FGF12: variants seen among roughly 807,000 people sequenced by gnomAD.
FGF12 encodes the protein fibroblast growth factor 12B.
FGF12 carries 14 observed loss-of-function variants against 23.6 expected under a neutral mutation model. That is an observed-to-expected ratio of 0.59 (90% CI 0.39 to 0.93). FGF12 has a LOEUF of 0.93. FGF12 is among the 40% of genes least tolerant of loss of function. The pLI is 0.00. For synonymous variants in FGF12, 62 were observed against 77.3 expected, an observed-to-expected ratio of 0.80 and a Z score of 1.04; for missense variants, 175 against 217.8, an observed-to-expected ratio of 0.80 and a Z score of 1.24.
intron 2 of FGF12, among the ~76,000 whole-genome samples, chr3:192,560,810 T>C (rs572824541): frequency 6.6e-6 from 1 of 152,174 alleles, no homozygotes; most frequent in African/African-American, 2.4e-5. Flanking sequence ...ATAAAACCTG[T>C]CACAAATCTA....
At chr3:192,596,094 A>AAATATAATAT (rs58052704) in intron 2 of FGF12, among the ~76,000 whole-genome samples, 8,487 of 99,362 alleles carry the variant, frequency 0.085, 303 homozygotes, top group Middle Eastern at 0.096. Flanking sequence ...CCTGACTCAA[A>AAATATAATAT]AATATAATAT....
chr3:192,158,715 T>C (rs2108600859), intron 5 of FGF12, among the ~76,000 whole-genome samples: 1 of 81,732 alleles, frequency 1.2e-5, no homozygotes, highest in South Asian at 5.0e-4. Context: ...CTTCCTTCCT[T>C]CTCCCTCTCT....
chr3:192,435,878 G>A (rs947318778), intron 2 of FGF12, among the ~76,000 whole-genome samples: 1 of 152,128 alleles, frequency 6.6e-6, no homozygotes, highest in African/African-American at 2.4e-5. Context: ...AAGCATAAAT[G>A]ATAAATAACA....
intron 4 of FGF12, among the ~76,000 whole-genome samples, chr3:192,200,133 A>G (rs1310350450): frequency 6.6e-6 from 1 of 151,548 alleles, no homozygotes; most frequent in East Asian, 1.9e-4. Context: ...CCTGGGCAAC[A>G]TGGTGAAATC....
At chr3:192,285,836 A>T (rs1354434196) in intron 4 of FGF12, among the ~76,000 whole-genome samples, 1 of 152,040 alleles carries the variant, frequency 6.6e-6, no homozygotes, top group East Asian at 1.9e-4. Flanking sequence ...TGGTGGAAAT[A>T]ACCAAAGATA....
intron 2 of FGF12, among the ~76,000 whole-genome samples, chr3:192,678,039 A>G (rs1300544900): frequency 6.6e-6 from 1 of 152,230 alleles, no homozygotes; most frequent in Non-Finnish European, 1.5e-5. Context: ...ACAGTTATAC[A>G]ATATAGTCCT....
chr3:192,182,391 CAT>C (rs1367961287), intron 4 of FGF12, among the ~76,000 whole-genome samples: 2 of 151,876 alleles, frequency 1.3e-5, no homozygotes, highest in Non-Finnish European at 2.9e-5. Flanking sequence ...TCTTATAAAA[CAT>C]ATATTCTGAA....
At chr3:192,599,550 G>A (rs185197892) in intron 2 of FGF12, among the ~76,000 whole-genome samples, 1 of 152,108 alleles carries the variant, frequency 6.6e-6, no homozygotes, top group East Asian at 1.9e-4. Flanking sequence ...AACCAATATT[G>A]TTATTGCCAC....
Position 192,142,958 on chromosome 3 carries a change from G to A in FGF12, c.*1051C>T, listed in dbSNP as rs570732639. The A allele has an allele frequency of 2.0e-5, 3 of 151,958 alleles. No homozygotes were observed. Among genetic ancestry groups the A allele is most frequent in the Non-Finnish European group, 4.4e-5 (3 of 67,960 alleles). The allele number at this position is 151,958 out of a possible 1,614,324, so 9.4% of individuals were successfully genotyped here. A position where few individuals can be genotyped will look rare whatever the true frequency, so the allele number is the denominator to read the frequency against. On this transcript the variant is annotated 3_prime_UTR_variant, in exon 6 of 6. Transcript: ENST00000445105. ...AGGTACAAACGCAAATGCAATTTGCGTTGACTAATTTCCTAGGACTTATTT... is the reference window on the plus strand; with the variant it reads ...AGGTACAAACGCAAATGCAATTTGCATTGACTAATTTCCTAGGACTTATTT...
intron 5 of FGF12, among the ~76,000 whole-genome samples, chr3:192,158,908 T>C (rs1714708283): frequency 6.6e-6 from 1 of 151,952 alleles, no homozygotes; most frequent in Non-Finnish European, 1.5e-5. Flanking sequence ...CTTACCTAAA[T>C]CTAGAGCGCC....
chr3:192,365,806 C>A lies in FGF12; in HGVS notation c.14-5268G>T, dbSNP rs145113189. 5.4e-4 allele frequency among the ~76,000 whole-genome samples: 82 copies of A among 151,958 alleles called. No homozygotes were observed. The East Asian group carries it at 0.015, about 28-fold the overall frequency. ...TATCTAGACGTTCCTGCCGGCTTGA[C>A]AGTCCATCTAGTGCTATGAAGTATT... On this transcript the variant is annotated intron_variant, in intron 2 of 5. Coordinates refer to ENST00000445105, the MANE Select transcript of FGF12 (RefSeq NM_004113.6).
At chr3:192,402,782 G>C (rs1441943449) in intron 2 of FGF12, among the ~76,000 whole-genome samples, 1 of 152,118 alleles carries the variant, frequency 6.6e-6, no homozygotes, top group African/African-American at 2.4e-5. Flanking sequence ...TATTATTATA[G>C]ATGATTAATT....
chr3:192,494,368 G>C (rs921562825), intron 2 of FGF12, among the ~76,000 whole-genome samples: 1 of 152,176 alleles, frequency 6.6e-6, no homozygotes, highest in Non-Finnish European at 1.5e-5. Context: ...CATCCATTGT[G>C]TTCTCTACAA....
rs1032068069 is a variant in FGF12, at chr3:192,338,397, T to C, written c.125-2933A>G. Among the ~76,000 whole-genome samples the C allele has an allele frequency of 5.3e-5, 8 of 152,204 alleles. No individual in the cohort carries two copies. In the East Asian group the frequency reaches 5.8e-4, roughly 11 times the overall value. On this transcript the variant is annotated intron_variant, in intron 3 of 5. Coordinates refer to ENST00000445105, the MANE Select transcript of FGF12 (RefSeq NM_004113.6). ...CCATTTTTGCCTTCTTGCAAATAAA[T>C]AGATTATTCAGCTACACCTTCTAAC... is the stretch of plus-strand genomic sequence containing the variant.
rs553699935 is a variant in FGF12 at position 192,379,438 on chromosome 3, A to G, written c.14-18900T>C. 2.6e-4 allele frequency among the ~76,000 whole-genome samples: 40 copies of G among 151,922 alleles called. No homozygotes were observed. The East Asian group carries it at 7.5e-3, about 29-fold the overall frequency. On this transcript the variant is annotated intron_variant, in intron 2 of 5. Coordinates refer to ENST00000445105, the MANE Select transcript of FGF12 (RefSeq NM_004113.6). ...AACTGCTCTAAAAAAAAAAAAAAAAAAAAGCCTATCTTTTTTAAATGTCCT... is the reference window on the plus strand; with the variant it reads ...AACTGCTCTAAAAAAAAAAAAAAAAGAAAGCCTATCTTTTTTAAATGTCCT...
chr3:192,512,835 A>AATAAATAAATATATATATATATATATAT (rs35779279), intron 2 of FGF12, among the ~76,000 whole-genome samples: 8 of 76,762 alleles, frequency 1.0e-4, no homozygotes, highest in African/African-American at 4.5e-4. Flanking sequence ...TACTCAAATA[A>AATAAATAAATATATATATATATATATAT]ATATATATAT....
intron 2 of FGF12, among the ~76,000 whole-genome samples, chr3:192,719,568 A>G (rs1718969788): frequency 1.3e-5 from 2 of 152,186 alleles, no homozygotes; most frequent in Non-Finnish European, 2.9e-5. Context: ...TAAATCCCAG[A>G]AGAAAGAAGT....
chr3:192,711,161 CAAAAAGCTTACTGG>C (rs978737895), intron 2 of FGF12, among the ~76,000 whole-genome samples: 2 of 152,182 alleles, frequency 1.3e-5, no homozygotes, highest in African/African-American at 4.8e-5. Flanking sequence ...TGAAAACAAA[CAAAAAGCTTACTGG>C]AAACAGAGGT....
At chr3:192,332,497 G>C (rs1717175674) in intron 4 of FGF12, among the ~76,000 whole-genome samples, 2 of 151,846 alleles carry the variant, frequency 1.3e-5, no homozygotes, top group African/African-American at 2.4e-5. Flanking sequence ...TATATATATG[G>C]ATTAAACTCA....
Sources: allele counts gnomAD v4.1 joint callset (sites outside exome capture counted in the v4.1 genomes callset), GRCh38; gene constraint gnomAD v4.1.1; transcripts MANE v1.5; gene names NCBI Gene and HGNC (gene_info 2026-07-23, HGNC 2026-07-21).